The following TRPM1 variants were observed in gnomAD, a reference collection of about 807,000 sequenced individuals.
TRPM1 encodes transient receptor potential cation channel subfamily M member 1, also known as TRPM1-203 APA Isoform, Intron 10.
In TRPM1, 113 loss-of-function variants were observed where a neutral mutation model predicts 149.4. The observed-to-expected ratio is 0.76, with a 90% confidence interval of 0.65 to 0.88. The LOEUF is 0.88. Ranked by LOEUF, TRPM1 falls within the 40% of genes least tolerant of loss-of-function variation. The pLI, the probability that TRPM1 is intolerant of heterozygous loss-of-function variation, is 0.00. For missense variants in TRPM1, 1,976 were observed against 2,038.7 expected (o/e 0.97, Z 0.59); for synonymous variants, 741 against 759.5 (o/e 0.98, Z 0.40).
chr15:31,120,009 T>A (rs975096016), intron 1 of TRPM1, among the ~76,000 whole-genome samples: 1 of 152,142 alleles, frequency 6.6e-6, no homozygotes, highest in African/African-American at 2.4e-5. Flanking sequence ...ATATTAATAA[T>A]TACTATAAAT....
chr15:31,002,168 A>G lies in TRPM1; in HGVS notation c.4532T>C (p.Val1511Ala). Residue 1511 changes from valine (V) to alanine (A), a missense_variant, in exon 28 of 28, where the codon GTG becomes GCG. Val to Ala is a moderately conservative substitution (Grantham distance 64). Around this residue, in one of 3 missense-constraint regions of TRPM1, gnomAD observed 572 missense variants for 578.9 expected, o/e 0.99. Coordinates refer to ENST00000256552, the MANE Select transcript of TRPM1 (RefSeq NM_001252024.2). ...RSHSTDIPYI[V>A]SEAAVQAEHK... is the part of the protein sequence containing the mutation. ...CTCAGCTTGCACTGCAGCTTCCGAC[A>G]CAATGTAAGGAATATCTGTGCTATG... The G allele has an allele frequency of 6.2e-7, 1 of 1,614,232 alleles. No homozygotes were observed. Among genetic ancestry groups the G allele is most frequent in the Non-Finnish European group, 8.5e-7 (1 of 1,180,048 alleles).
At chr15:31,100,874 A>C (rs1240251521) in intron 1 of TRPM1, among the ~76,000 whole-genome samples, 2 of 152,228 alleles carry the variant, frequency 1.3e-5, no homozygotes, top group African/African-American at 2.4e-5. Context: ...CCGGTAGCAC[A>C]CAAAGCTGTG....
intron 1 of TRPM1, among the ~76,000 whole-genome samples, chr15:31,097,583 G>T (rs28695741): frequency 0.29 from 44,338 of 152,046 alleles, 7,243 homozygotes; most frequent in African/African-American, 0.43. Flanking sequence ...TAGTCTACCT[G>T]GGGGACTGAT....
At chr15:31,132,115 C>T (rs2141044037) in intron 1 of TRPM1, among the ~76,000 whole-genome samples, 1 of 152,356 alleles carries the variant, frequency 6.6e-6, no homozygotes. Context: ...GATTACCCCT[C>T]CACAGTGCCT....
intron 27 of TRPM1, among the ~76,000 whole-genome samples, chr15:31,020,805 GTC>G (rs926208115): frequency 2.6e-5 from 4 of 152,152 alleles, no homozygotes; most frequent in Non-Finnish European, 5.9e-5. Context: ...CTGCATGCTT[GTC>G]TCTCTGTCTT....
At chr15:31,148,971 C>T (rs865998408) in intron 1 of TRPM1, among the ~76,000 whole-genome samples, 5 of 152,326 alleles carry the variant, frequency 3.3e-5, no homozygotes, top group Non-Finnish European at 7.3e-5. Context: ...ACAGCACACA[C>T]GGCAAGAGTG....
At chr15:31,079,485 G>A (rs1300254102) in intron 2 of TRPM1, among the ~76,000 whole-genome samples, 1 of 152,226 alleles carries the variant, frequency 6.6e-6, no homozygotes, top group Non-Finnish European at 1.5e-5. Flanking sequence ...GGCAGCTCAC[G>A]AAGGGGCAGC....
intron 1 of TRPM1, among the ~76,000 whole-genome samples, chr15:31,158,087 C>G (rs2036400142): frequency 6.6e-6 from 1 of 152,062 alleles, no homozygotes; most frequent in Non-Finnish European, 1.5e-5. Context: ...TTCCTTAAAG[C>G]CAGAGGTATT....
At chr15:31,057,677 G>T (rs1314916173) in intron 11 of TRPM1, among the ~76,000 whole-genome samples, 4 of 152,012 alleles carry the variant, frequency 2.6e-5, no homozygotes, top group Non-Finnish European at 5.9e-5. Context: ...AGCCTTTGCT[G>T]CAGCCATGCT....
chr15:31,135,093 G>A (rs1347943149), intron 1 of TRPM1, among the ~76,000 whole-genome samples: 2 of 152,128 alleles, frequency 1.3e-5, no homozygotes, highest in Non-Finnish European at 1.5e-5. Flanking sequence ...TGTTTCTCTT[G>A]TTATCTGTCT....
chr15:31,061,821 A>G (rs896163873), intron 9 of TRPM1, among the ~76,000 whole-genome samples: 1 of 151,954 alleles, frequency 6.6e-6, no homozygotes, highest in Admixed American at 6.6e-5. Context: ...AGTGGCTGGG[A>G]TTACAGGTGC....
At chr15:31,150,588 A>G (rs1018325743) in intron 1 of TRPM1, among the ~76,000 whole-genome samples, 5 of 151,990 alleles carry the variant, frequency 3.3e-5, no homozygotes, top group Admixed American at 1.3e-4. Context: ...AGGCATGCGC[A>G]CCACGCCCAG....
At chr15:31,060,182 G>A (rs2034189303) in intron 11 of TRPM1, 1 of 373,138 alleles carries the variant, frequency 2.7e-6, no homozygotes, top group Non-Finnish European at 5.1e-6. Flanking sequence ...TAGGCCTCCA[G>A]GGTTTCATGG....
rs890885874 is a variant in TRPM1 at position 31,002,688 on chromosome 15, G to A, written c.4012C>T (p.Leu1338=). ...IKEEKDVKTH[L]VPECQNSLHL... ...AGACTGTTCTGACATTCTGGGACTA[G>A]GTGCGTTTTCACGTCCTTCTCTTCC... The change falls in exon 28 of 28, where the codon CTA becomes TTA. Residue 1338 remains leucine, a synonymous_variant. Coordinates refer to ENST00000256552, the MANE Select transcript of TRPM1 (RefSeq NM_001252024.2). 1.4e-5 allele frequency: 22 copies of A among 1,614,072 alleles called. No individual in the cohort carries two copies. Among genetic ancestry groups the A allele is most frequent in the Non-Finnish European group, 1.7e-5 (20 of 1,180,046 alleles).
intron 21 of TRPM1, 150 bp downstream of exon 21, chr15:31,035,396 T>C (rs892573996): frequency 4.3e-6 from 5 of 1,153,858 alleles, no homozygotes; most frequent in Non-Finnish European, 6.4e-6. Flanking sequence ...TCCATCCGCC[T>C]CAGCCTCCCA....
intron 2 of TRPM1, among the ~76,000 whole-genome samples, chr15:31,080,197 A>G (rs2034818039): frequency 6.6e-6 from 1 of 152,250 alleles, no homozygotes; most frequent in Non-Finnish European, 1.5e-5. Context: ...GCAACCATCA[A>G]GAATCTCTGA....
intron 1 of TRPM1, among the ~76,000 whole-genome samples, chr15:31,088,718 T>G (rs747490054): frequency 5.3e-4 from 81 of 151,502 alleles, no homozygotes; most frequent in Non-Finnish European, 1.1e-3. Flanking sequence ...CGTATGAGAT[T>G]GACTGAAGCG....
At chr15:31,007,391 A>G (rs1799003297) in intron 27 of TRPM1, among the ~76,000 whole-genome samples, 1 of 152,184 alleles carries the variant, frequency 6.6e-6, no homozygotes, top group South Asian at 2.1e-4. Context: ...TGTCTTCATT[A>G]CTGTAGCTTC....
chr15:31,034,191 G>A (rs1465061769), intron 21 of TRPM1, among the ~76,000 whole-genome samples: 2 of 152,198 alleles, frequency 1.3e-5, no homozygotes, highest in Non-Finnish European at 2.9e-5. Context: ...GGAAAGGGAA[G>A]TATCCGGCCT....
Sources: allele counts gnomAD v4.1 joint callset (sites outside exome capture counted in the v4.1 genomes callset), GRCh38; gene constraint gnomAD v4.1.1; regional missense constraint gnomAD v4.1.1; transcripts MANE v1.5; gene names NCBI Gene and HGNC (gene_info 2026-07-23, HGNC 2026-07-21).